WWOX: variants seen among roughly 807,000 people sequenced by gnomAD.
WWOX encodes the protein WW domain-containing oxidoreductase.
WWOX carries 69 observed loss-of-function variants against 46.2 expected under a neutral mutation model. The ratio of observed to expected loss-of-function variants is 1.49; its 90% CI spans 1.23 to 1.82. WWOX has a LOEUF of 1.82. Ranked by LOEUF, WWOX falls within the 40% of genes most tolerant of loss-of-function variation. The pLI, the probability that WWOX is intolerant of heterozygous loss-of-function variation, is 0.00. For synonymous variants in WWOX, 359 were observed against 202.6 expected (o/e 1.77, Z -6.56); for missense variants, 919 against 542.6 (o/e 1.69, Z -6.89).
chr16:78,356,384 C>T (rs2081291256), intron 5 of WWOX, among the ~76,000 whole-genome samples: 1 of 151,960 alleles, frequency 6.6e-6, no homozygotes, highest in South Asian at 2.1e-4. Context: ...GATTCAAAGC[C>T]TTCTTCTAAA....
intron 8 of WWOX, among the ~76,000 whole-genome samples, chr16:79,061,133 C>G (rs1361790965): frequency 6.6e-6 from 1 of 152,128 alleles, no homozygotes; most frequent in African/African-American, 2.4e-5. Flanking sequence ...CACAGTCTCT[C>G]AATCCTTTAT....
In WWOX at chr16:79,182,260, T is replaced by C. The variant is rs549935937; in HGVS notation, c.1057-29348T>C. Among the ~76,000 whole-genome samples, 3 of 152,238 alleles carry C rather than the reference T, an allele frequency of 2.0e-5. No homozygotes were observed. In the East Asian group the frequency reaches 5.8e-4, roughly 29 times the overall value. On this transcript the variant is annotated intron_variant, in intron 8 of 8. Transcript: ENST00000566780. The stretch of plus-strand genomic sequence containing the variant: ...CTGTACACGTCTTTGTACTGCACAC[T>C]GTAGGGTATCCAGGATTCCTGGCCC...
At chr16:78,743,016 A>G (rs2049267655) in intron 8 of WWOX, among the ~76,000 whole-genome samples, 1 of 145,944 alleles carries the variant, frequency 6.9e-6, no homozygotes, top group Non-Finnish European at 1.5e-5. Context: ...TACAGTCCCA[A>G]CCCTTACTGC....
At chr16:78,317,741 A>C (rs2080384918) in intron 5 of WWOX, among the ~76,000 whole-genome samples, 1 of 152,112 alleles carries the variant, frequency 6.6e-6, no homozygotes, top group African/African-American at 2.4e-5. Flanking sequence ...GGCCCCCTTC[A>C]CGGTGTCCTC....
chr16:78,470,335 T>C (rs1413436921), intron 8 of WWOX, among the ~76,000 whole-genome samples: 1 of 152,210 alleles, frequency 6.6e-6, no homozygotes, highest in East Asian at 1.9e-4. Flanking sequence ...TAGTACATCT[T>C]TGCCTCACCT....
intron 8 of WWOX, among the ~76,000 whole-genome samples, chr16:78,986,135 A>T (rs776917281): frequency 3.3e-5 from 5 of 152,224 alleles, no homozygotes; most frequent in Non-Finnish European, 5.9e-5. Flanking sequence ...AGGAGCACAC[A>T]TACATTCCTG....
intron 8 of WWOX, among the ~76,000 whole-genome samples, chr16:78,775,930 G>T (rs544426730): frequency 2.6e-5 from 4 of 152,192 alleles, no homozygotes; most frequent in African/African-American, 9.6e-5. Context: ...AGGTCAGTCA[G>T]TGGCCATCAC....
intron 8 of WWOX, among the ~76,000 whole-genome samples, chr16:78,627,654 A>G (rs918135702): frequency 6.6e-6 from 1 of 152,246 alleles, no homozygotes; most frequent in African/African-American, 2.4e-5. Flanking sequence ...GACTGGGGAG[A>G]GAAGAGTCAT....
intron 8 of WWOX, among the ~76,000 whole-genome samples, chr16:79,130,751 G>A (rs932108448): frequency 6.6e-6 from 1 of 152,210 alleles, no homozygotes. Context: ...TCGCCACAAT[G>A]TATTACAGAT....
At chr16:78,971,424 C>A (rs1313167923) in intron 8 of WWOX, among the ~76,000 whole-genome samples, 1 of 84,836 alleles carries the variant, frequency 1.2e-5, no homozygotes, top group Non-Finnish European at 2.3e-5. Flanking sequence ...CACTGCTCTC[C>A]AGTCTGGGTG....
In WWOX at chr16:78,693,163, T is replaced by G. The variant is rs566633239; in HGVS notation, c.1056+260411T>G. ...CAGACAATGTATATTTAAAAAGCAA[T>G]TATTTGCCCATCTCTTGTTCAACTC... On this transcript the variant is annotated intron_variant, in intron 8 of 8. Coordinates refer to ENST00000566780, the MANE Select transcript of WWOX (RefSeq NM_016373.4). Among the ~76,000 whole-genome samples, 6 of 152,332 alleles carry G rather than the reference T, an allele frequency of 3.9e-5. No homozygotes were observed. In the East Asian group the frequency reaches 9.7e-4, roughly 25 times the overall value.
intron 8 of WWOX, among the ~76,000 whole-genome samples, chr16:79,082,521 G>C (rs2048779484): frequency 6.6e-6 from 1 of 152,190 alleles, no homozygotes; most frequent in Admixed American, 6.5e-5. Context: ...CAAAGGAACT[G>C]TGTGCCTCGC....
At chr16:78,256,715 A>G (rs1045521846) in intron 5 of WWOX, among the ~76,000 whole-genome samples, 6 of 152,178 alleles carry the variant, frequency 3.9e-5, no homozygotes, top group Admixed American at 1.3e-4. Flanking sequence ...GACTGAATGA[A>G]TGGTTGATGT....
intron 8 of WWOX, among the ~76,000 whole-genome samples, chr16:79,208,645 C>A (rs1190663270): frequency 7.2e-6 from 1 of 138,364 alleles, no homozygotes; most frequent in Non-Finnish European, 1.6e-5. Flanking sequence ...TTTTTTTAAT[C>A]AGTTTAAGAA....
chr16:78,679,536 G>A (rs1432752149), intron 8 of WWOX, among the ~76,000 whole-genome samples: 1 of 152,132 alleles, frequency 6.6e-6, no homozygotes, highest in Non-Finnish European at 1.5e-5. Context: ...GGGTGACAGA[G>A]TGAGACTCCA....
At chr16:79,127,348 C>T (rs1439514560) in intron 8 of WWOX, among the ~76,000 whole-genome samples, 3 of 152,204 alleles carry the variant, frequency 2.0e-5, no homozygotes, top group South Asian at 2.1e-4. Context: ...TTTGTATATT[C>T]TTCTGCCCTC....
chr16:78,911,588 G>A lies in WWOX; in HGVS notation c.1057-300020G>A, dbSNP rs148594479. ...GCAATGTTGTAAGAAACACCAGGCCGGGCACAGTGGCTCACACCTGTAATC... is the reference window on the plus strand; with the variant it reads ...GCAATGTTGTAAGAAACACCAGGCCAGGCACAGTGGCTCACACCTGTAATC... On this transcript the variant is annotated intron_variant, in intron 8 of 8. Transcript: ENST00000566780. Among the ~76,000 whole-genome samples the A allele has an allele frequency of 3.6e-4, 55 of 152,150 alleles. No homozygotes were observed. The Middle Eastern group carries it at 0.014, about 38-fold the overall frequency.
At chr16:79,196,550 A>C (rs1473087048) in intron 8 of WWOX, 1 of 152,124 alleles carries the variant, frequency 6.6e-6, no homozygotes, top group Non-Finnish European at 1.5e-5. Flanking sequence ...AATGCCTGAG[A>C]AATAATTTAA....
chr16:79,149,897 C>A (rs865828012), intron 8 of WWOX, among the ~76,000 whole-genome samples: 1 of 152,180 alleles, frequency 6.6e-6, no homozygotes, highest in Non-Finnish European at 1.5e-5. Context: ...GGGTTCAGAT[C>A]CTTCTATCCA....
Sources: gnomAD v4.1 joint callset for allele counts (sites outside exome capture counted in the v4.1 genomes callset) on GRCh38, gnomAD v4.1.1 for gene constraint, MANE v1.5 for transcripts, NCBI Gene and HGNC (gene_info 2026-07-23, HGNC 2026-07-21) for gene names.